CNTNAP2: variants seen among roughly 807,000 people sequenced by gnomAD.
The protein encoded by CNTNAP2 is contactin-associated protein-like 2.
CNTNAP2 carries 98 observed loss-of-function variants against 155.2 expected under a neutral mutation model. The ratio of observed to expected loss-of-function variants is 0.63; its 90% CI spans 0.54 to 0.75. The LOEUF is 0.75. Among genes scored for constraint, CNTNAP2 ranks in the 30% least tolerant of loss-of-function variants. The pLI is 0.00. For missense variants in CNTNAP2, 1,727 were observed against 1,688.1 expected, an observed-to-expected ratio of 1.02 and a Z score of -0.40; for synonymous variants, 651 against 631.2, an observed-to-expected ratio of 1.03 and a Z score of -0.47.
At chr7:147,699,596 T>TAATAAATA (rs56180062) in intron 13 of CNTNAP2, among the ~76,000 whole-genome samples, 4 of 151,264 alleles carry the variant, frequency 2.6e-5, no homozygotes, top group Non-Finnish European at 5.9e-5. Context: ...ACTTAAAATA[T>TAATAAATA]AATAAATAAA....
chr7:146,369,825 G>C (rs1358876348), intron 1 of CNTNAP2, among the ~76,000 whole-genome samples: 6 of 151,958 alleles, frequency 3.9e-5, no homozygotes, highest in Non-Finnish European at 7.4e-5. Context: ...ACAAGTTACT[G>C]TTTATCTTTG....
intron 1 of CNTNAP2, among the ~76,000 whole-genome samples, chr7:146,648,136 T>G (rs1799846591): frequency 6.6e-6 from 1 of 152,208 alleles, no homozygotes; most frequent in African/African-American, 2.4e-5. Flanking sequence ...TGTATTTCTC[T>G]ACTTCATGGG....
intron 14 of CNTNAP2, among the ~76,000 whole-genome samples, chr7:147,939,597 G>A (rs1395270339): frequency 1.3e-5 from 2 of 152,158 alleles, no homozygotes; most frequent in Non-Finnish European, 2.9e-5. Context: ...AAAGTGCTGG[G>A]ATTACAGGCG....
At chr7:147,975,967 T>G (rs140334017) in intron 14 of CNTNAP2, among the ~76,000 whole-genome samples, 256 of 152,080 alleles carry the variant, frequency 1.7e-3, no homozygotes, top group Non-Finnish European at 2.8e-3. Flanking sequence ...TTTGGGGGGG[T>G]CTTATGTCTC....
At chr7:146,297,454 A>G (rs1800532551) in intron 1 of CNTNAP2, among the ~76,000 whole-genome samples, 2 of 152,144 alleles carry the variant, frequency 1.3e-5, no homozygotes, top group African/African-American at 2.4e-5. Context: ...AGGTAAAACC[A>G]TAAAGATGTG....
intron 18 of CNTNAP2, among the ~76,000 whole-genome samples, chr7:148,216,678 T>C (rs1310925065): frequency 6.6e-6 from 1 of 152,232 alleles, no homozygotes; most frequent in East Asian, 1.9e-4. Context: ...TCTGGTATAA[T>C]GTAAGTTTCT....
intron 20 of CNTNAP2, among the ~76,000 whole-genome samples, chr7:148,239,022 A>G (rs1246738639): frequency 6.8e-6 from 1 of 147,780 alleles, no homozygotes. Context: ...AAGAAAGTTG[A>G]CCTAGCTAGC....
At chr7:147,110,405 G>GATGT (rs1800851646) in intron 5 of CNTNAP2, among the ~76,000 whole-genome samples, 1 of 151,854 alleles carries the variant, frequency 6.6e-6, no homozygotes, top group African/African-American at 2.4e-5. Flanking sequence ...GCATGGGCAG[G>GATGT]ATGTACAACT....
At chr7:148,164,458 C>G (rs1302490029) in intron 17 of CNTNAP2, among the ~76,000 whole-genome samples, 1 of 152,132 alleles carries the variant, frequency 6.6e-6, no homozygotes, top group Non-Finnish European at 1.5e-5. Context: ...ACAGAGGAGT[C>G]CTAGCTCTTT....
At chr7:146,791,465 A>G (rs1448995304) in intron 2 of CNTNAP2, among the ~76,000 whole-genome samples, 1 of 152,192 alleles carries the variant, frequency 6.6e-6, no homozygotes, top group Non-Finnish European at 1.5e-5. Context: ...TTAATTTAGC[A>G]TCTTGTGGTT....
chr7:146,502,619 G>C (rs1260603383), intron 1 of CNTNAP2, among the ~76,000 whole-genome samples: 1 of 151,790 alleles, frequency 6.6e-6, no homozygotes, highest in African/African-American at 2.4e-5. Flanking sequence ...GATTTTTGTT[G>C]TTGTTGTTTT....
intron 1 of CNTNAP2, among the ~76,000 whole-genome samples, chr7:146,206,003 CA>C (rs1359214314): frequency 1.3e-5 from 2 of 151,918 alleles, no homozygotes; most frequent in Non-Finnish European, 2.9e-5. Context: ...GACCTCTAAG[CA>C]TTTTATTTGT....
At chr7:147,032,819 GATAA>G (rs1369863814) in intron 3 of CNTNAP2, among the ~76,000 whole-genome samples, 1 of 151,972 alleles carries the variant, frequency 6.6e-6, no homozygotes, top group African/African-American at 2.4e-5. Flanking sequence ...TTAGACTGGA[GATAA>G]ATAAACTATG....
chr7:148,142,153 G>T (rs2116645215), intron 16 of CNTNAP2, among the ~76,000 whole-genome samples: 2 of 146,480 alleles, frequency 1.4e-5, no homozygotes, highest in South Asian at 4.4e-4. Flanking sequence ...CAACCCAGTT[G>T]TAGAGGGAGG....
chr7:147,539,132 C>T (rs1799597873), intron 11 of CNTNAP2, among the ~76,000 whole-genome samples: 1 of 152,078 alleles, frequency 6.6e-6, no homozygotes, highest in Non-Finnish European at 1.5e-5. Flanking sequence ...TATATACACA[C>T]ATATATATAC....
chr7:148,225,223 T>G (rs1434490484), intron 19 of CNTNAP2, among the ~76,000 whole-genome samples: 1 of 152,140 alleles, frequency 6.6e-6, no homozygotes, highest in Non-Finnish European at 1.5e-5. Flanking sequence ...TGTTGTGTGC[T>G]AAGAACTGTT....
intron 3 of CNTNAP2, among the ~76,000 whole-genome samples, chr7:146,931,051 C>T (rs1462556325): frequency 6.6e-6 from 1 of 151,858 alleles, no homozygotes; most frequent in Non-Finnish European, 1.5e-5. Context: ...AACAAGGATA[C>T]CCAGGAATTG....
At chr7:146,575,247 G>A (rs901666480) in intron 1 of CNTNAP2, among the ~76,000 whole-genome samples, 13 of 152,078 alleles carry the variant, frequency 8.5e-5, no homozygotes, top group African/African-American at 3.1e-4. Context: ...CTCCTGAGTA[G>A]CTGAGATTAC....
At chr7:147,760,485 A>G (rs933931818) in intron 13 of CNTNAP2, among the ~76,000 whole-genome samples, 1 of 152,214 alleles carries the variant, frequency 6.6e-6, no homozygotes, top group Non-Finnish European at 1.5e-5. Context: ...TTAATTGTAA[A>G]CAAAATATTT....
Sources: allele counts gnomAD v4.1 joint callset (sites outside exome capture counted in the v4.1 genomes callset), GRCh38; gene constraint gnomAD v4.1.1; transcripts MANE v1.5; gene names NCBI Gene and HGNC (gene_info 2026-07-23, HGNC 2026-07-21).